Variants in CBFB observed in about 807,000 individuals in gnomAD.
CBFB encodes the protein CBF-beta.
In CBFB, 9 loss-of-function variants were observed where a neutral mutation model predicts 30.4. That is an observed-to-expected ratio of 0.30 (90% confidence interval 0.18 to 0.52). The LOEUF (loss-of-function observed/expected upper bound fraction) is 0.52. Ranked by LOEUF, CBFB falls within the 20% of genes least tolerant of loss-of-function variation. The pLI, the probability that CBFB is intolerant of heterozygous loss-of-function variation, is 0.97. For missense variants in CBFB, 170 were observed against 244.0 expected (o/e 0.70, Z 2.02); for synonymous variants, 94 against 84.0 (o/e 1.12, Z -0.65).
intron 5 of CBFB, chr16:67,093,263 A>G (rs1335507441): frequency 6.6e-6 from 1 of 152,160 alleles, no homozygotes; most frequent in Non-Finnish European, 1.5e-5. Context: ...TTAGCCAAGT[A>G]TCAAACAAAA....
chr16:67,098,944 A>G lies in CBFB; in HGVS notation c.*166A>G, dbSNP rs1454157952. ...TCACAAACTGCCATGGTTTTGCACT[A>G]TGATTATAATACCTGCATTTCTAAT... On this transcript the variant is annotated 3_prime_UTR_variant, in exon 6 of 6. Coordinates refer to ENST00000412916, the MANE Select transcript of CBFB (RefSeq NM_022845.3). 2.0e-6 allele frequency: 1 copy of G among 498,480 alleles called. No individual in the cohort carries two copies. The highest frequency in any genetic ancestry group is 3.6e-6 in the Non-Finnish European group (1 of 279,512). 30.9% of individuals were successfully genotyped at this position (498,480 alleles called of 1,614,324 possible).
intron 3 of CBFB, among the ~76,000 whole-genome samples, chr16:67,065,898 G>A (rs1961037730): frequency 6.6e-6 from 1 of 152,074 alleles, no homozygotes; most frequent in Non-Finnish European, 1.5e-5. Flanking sequence ...CTGTGAAATA[G>A]CTTGAATTAA....
chr16:67,074,449 C>T (rs1189796416), intron 4 of CBFB, among the ~76,000 whole-genome samples: 1 of 149,166 alleles, frequency 6.7e-6, no homozygotes, highest in Non-Finnish European at 1.5e-5. Flanking sequence ...GTGGCGTGAT[C>T]TCAGCTCACT....
intron 4 of CBFB, among the ~76,000 whole-genome samples, chr16:67,074,258 T>G (rs1961323315): frequency 6.6e-6 from 1 of 151,320 alleles, no homozygotes; most frequent in Admixed American, 6.6e-5. Flanking sequence ...AGGGGGTAGG[T>G]CTCTTCAGTA....
At chr16:67,029,545 AG>A in intron 1 of CBFB, 60 bp downstream of exon 1, 1 of 1,509,706 alleles carries the variant, frequency 6.6e-7, no homozygotes, top group South Asian at 1.2e-5. Context: ...GCCCGGGCGG[AG>A]AAAAGTTTGG....
At chr16:67,092,621 T>C (rs1458130088) in intron 5 of CBFB, among the ~76,000 whole-genome samples, 1 of 150,492 alleles carries the variant, frequency 6.6e-6, no homozygotes, top group Admixed American at 6.6e-5. Context: ...CTCCCTTCCT[T>C]CCCCCTGAAT....
intron 4 of CBFB, among the ~76,000 whole-genome samples, chr16:67,069,909 A>G (rs1961170324): frequency 6.6e-6 from 1 of 152,114 alleles, no homozygotes; most frequent in Admixed American, 6.6e-5. Flanking sequence ...GGATCACTTG[A>G]GCCCAGGAGT....
At chr16:67,079,163 T>C (rs1961487306) in intron 4 of CBFB, among the ~76,000 whole-genome samples, 2 of 152,238 alleles carry the variant, frequency 1.3e-5, no homozygotes. Context: ...ATAGCATTTA[T>C]TGAATGCTGT....
intron 4 of CBFB, among the ~76,000 whole-genome samples, chr16:67,068,980 C>G (rs929595190): frequency 1.3e-5 from 2 of 152,080 alleles, no homozygotes; most frequent in Non-Finnish European, 2.9e-5. Context: ...TTTGAGAGGC[C>G]AAGGCGGGCG....
chr16:67,054,879 C>T lies in CBFB; in HGVS notation c.283-11803C>T, dbSNP rs746625914. Among the ~76,000 whole-genome samples, 48 of 151,780 alleles carry T rather than the reference C, an allele frequency of 3.2e-4. 1 individual carries two copies. Among genetic ancestry groups the T allele is most frequent in the Middle Eastern group, 3.4e-3 (1 of 294 alleles). ...GCCATTCTCCTGCCTCAGCCTCCCA[C>T]GCGTAGCTGGGACTAGAGGTGCCCA... On this transcript the variant is annotated intron_variant, in intron 3 of 5. Transcript: ENST00000412916.
chr16:67,049,350 C>A (rs778963494), intron 3 of CBFB, among the ~76,000 whole-genome samples: 2 of 152,142 alleles, frequency 1.3e-5, no homozygotes, highest in South Asian at 4.2e-4. Flanking sequence ...ATTACAGGAG[C>A]CTGCCACCAC....
At chr16:67,041,436 G>A (rs1453793114) in intron 3 of CBFB, among the ~76,000 whole-genome samples, 1 of 152,144 alleles carries the variant, frequency 6.6e-6, no homozygotes, top group Non-Finnish European at 1.5e-5. Context: ...GAGCCAATAG[G>A]ATTTGCTTAT....
chr16:67,085,597 C>T (rs1442208985), intron 5 of CBFB, among the ~76,000 whole-genome samples: 1 of 150,868 alleles, frequency 6.6e-6, no homozygotes, highest in Non-Finnish European at 1.5e-5. Flanking sequence ...TGGGCTCAAG[C>T]AGTTCTCCCT....
chr16:67,096,466 C>CATAT (rs141061396), intron 5 of CBFB, among the ~76,000 whole-genome samples: 16 of 150,802 alleles, frequency 1.1e-4, no homozygotes, highest in African/African-American at 3.7e-4. Context: ...AGAAAATATA[C>CATAT]ATATATATAT....
At chr16:67,094,354 A>G (rs1471961498) in intron 5 of CBFB, among the ~76,000 whole-genome samples, 4 of 152,108 alleles carry the variant, frequency 2.6e-5, no homozygotes, top group Non-Finnish European at 4.4e-5. Flanking sequence ...GAAACCCACA[A>G]ATAATAGCAA....
intron 5 of CBFB, among the ~76,000 whole-genome samples, chr16:67,095,602 C>G (rs1024657624): frequency 1.3e-5 from 2 of 151,814 alleles, no homozygotes; most frequent in Admixed American, 1.3e-4. Context: ...ATCACTTGAG[C>G]CCAGGAGTTT....
rs764360121 is a variant in CBFB at position 67,029,368 on chromosome 16, C to T, written c.-40C>T. 4.8e-5 allele frequency: 69 copies of T among 1,441,990 alleles called. No individual in the cohort carries two copies. The highest frequency in any genetic ancestry group is 8.9e-5 in the African/African-American group (6 of 67,126). 89.3% of individuals were successfully genotyped at this position (1,441,990 alleles called of 1,614,324 possible). On this transcript the variant is annotated 5_prime_UTR_variant, in exon 1 of 6. Transcript: ENST00000412916. Reference sequence around the variant, plus strand: ...GCCAGCCAGCGGGTGCCCGCGCAAGCCCCGAGCGCGGCCGGCCGGCGCGGC... The same window carrying T: ...GCCAGCCAGCGGGTGCCCGCGCAAGTCCCGAGCGCGGCCGGCCGGCGCGGC...
intron 4 of CBFB, among the ~76,000 whole-genome samples, chr16:67,067,134 T>G (rs1961081990): frequency 6.6e-6 from 1 of 151,498 alleles, no homozygotes; most frequent in Non-Finnish European, 1.5e-5. Flanking sequence ...GTAGGAGCCG[T>G]GCTTTTGGAA....
chr16:67,035,706 A>G (rs1966431324), intron 2 of CBFB, among the ~76,000 whole-genome samples: 1 of 152,242 alleles, frequency 6.6e-6, no homozygotes, highest in Non-Finnish European at 1.5e-5. Context: ...GAAACCAATT[A>G]TGCTTCAGAA....
Sources: allele counts gnomAD v4.1 joint callset (sites outside exome capture counted in the v4.1 genomes callset), GRCh38; gene constraint gnomAD v4.1.1; transcripts MANE v1.5; gene names NCBI Gene and HGNC (gene_info 2026-07-23, HGNC 2026-07-21).